WDR27: variants seen among roughly 807,000 people sequenced by gnomAD.
WDR27 encodes WD repeat-containing protein 27.
A neutral mutation model predicts 114.4 loss-of-function variants in WDR27; 100 were observed. The ratio of observed to expected loss-of-function variants is 0.87; its 90% CI spans 0.74 to 1.03. The LOEUF (loss-of-function observed/expected upper bound fraction) is 1.03. Ranked by LOEUF, WDR27 falls within the 50% of genes least tolerant of loss-of-function variation. The probability of loss-of-function intolerance (pLI) is 0.00; values close to 1 mark genes in which losing one functional copy is unlikely to be tolerated. For synonymous variants in WDR27, 449 were observed against 423.1 expected (o/e 1.06, Z -0.75); for missense variants, 1,129 against 1,092.9 (o/e 1.03, Z -0.47).
At position 169,665,539 on chromosome 6, in the gene WDR27, A is replaced by C. The variant is rs1405926234; in HGVS notation, c.730T>G (p.Leu244Val). ...TGCCTGCTTTCTGCATCAATGAATA[A>C]ACTGAGAAGAGGATATGCTGGTGAA... ...SVLSAYPLLSLFIDAESRQLV... is the reference protein window; with the variant it reads ...SVLSAYPLLSVFIDAESRQLV... Residue 244 changes from leucine to valine, a missense_variant, in exon 7 of 26, where the codon TTA (leucine) becomes GTA (valine). Leu to Val is a conservative substitution (Grantham distance 32, BLOSUM62 1). Transcript: ENST00000448612. 6.2e-7 allele frequency: 1 copy of C among 1,613,666 alleles called. No homozygotes were observed. The highest frequency in any genetic ancestry group is 1.3e-5 in the African/African-American group (1 of 74,916).
intron 25 of WDR27, among the ~76,000 whole-genome samples, chr6:169,504,759 G>A (rs2115501407): frequency 6.6e-6 from 1 of 152,154 alleles, no homozygotes; most frequent in African/African-American, 2.4e-5. Context: ...TGGGACAACA[G>A]GCATGCACCA....
At chr6:169,664,087 G>T (rs761500549) in intron 8 of WDR27, 79 bp downstream of exon 8, 1 of 1,319,960 alleles carries the variant, frequency 7.6e-7, no homozygotes, top group Non-Finnish European at 1.0e-6. Context: ...TCCCCTGTGT[G>T]ACCTAGGGCC....
rs1304224950 is a variant in WDR27, at chr6:169,457,615, T to C, written c.2665A>G (p.Met889Val). 15 of 1,552,366 alleles carry C rather than the reference T, an allele frequency of 9.7e-6. No homozygotes were observed. Among genetic ancestry groups the C allele is most frequent in the Non-Finnish European group, 1.2e-5 (14 of 1,147,222 alleles). The change falls in exon 26 of 26, where the codon ATG becomes GTG. Residue 889 changes from methionine (M) to valine (V), a missense_variant. Physicochemically the swap from Met to Val is conservative, Grantham distance 21. Coordinates refer to ENST00000448612, the MANE Select transcript of WDR27 (RefSeq NM_182552.5). ...WDYSLPQLPW[M>V]VNSSSF ...AGCTAGAAAGAGCTGGAGTTTACCA[T>C]CCAAGGTAGCTGTGGCAAGCTGTAA... is the stretch of plus-strand genomic sequence containing the variant.
At chr6:169,566,084 G>A (rs1046772470) in intron 25 of WDR27, among the ~76,000 whole-genome samples, 1 of 131,148 alleles carries the variant, frequency 7.6e-6, no homozygotes, top group South Asian at 2.4e-4. Context: ...ATTTTGTAAT[G>A]TATTGTTACT....
chr6:169,578,065 T>C (rs7749130), intron 24 of WDR27, among the ~76,000 whole-genome samples: 142,895 of 152,236 alleles, frequency 0.94, 67,142 homozygotes, highest in East Asian at 0.99. Flanking sequence ...GTTTCTCTAA[T>C]GTGTGTTTTA....
intron 13 of WDR27, 149 bp downstream of exon 13, chr6:169,658,127 G>A (rs564999774): frequency 2.4e-5 from 16 of 656,192 alleles, no homozygotes; most frequent in Middle Eastern, 2.5e-4. Context: ...GAACACGCAC[G>A]AGAGGCAGAG....
At chr6:169,565,794 G>A (rs79358348) in intron 25 of WDR27, among the ~76,000 whole-genome samples, 2,463 of 152,312 alleles carry the variant, frequency 0.016, 62 homozygotes, top group African/African-American at 0.057. Flanking sequence ...TGGGACTACA[G>A]GCATGAGCCA....
intron 23 of WDR27, among the ~76,000 whole-genome samples, chr6:169,583,487 A>G (rs1227942113): frequency 3.5e-4 from 1 of 2,838 alleles, no homozygotes; most frequent in Non-Finnish European, 1.7e-3. Context: ...GTGTATATAT[A>G]CATATATATA....
At chr6:169,697,073 T>C (rs916127749) in intron 1 of WDR27, among the ~76,000 whole-genome samples, 2 of 152,204 alleles carry the variant, frequency 1.3e-5, no homozygotes, top group Admixed American at 6.5e-5. Flanking sequence ...TAATAAAATA[T>C]AAAATCAGAA....
intron 20 of WDR27, among the ~76,000 whole-genome samples, chr6:169,634,147 A>G (rs564880885): frequency 1.4e-4 from 22 of 152,228 alleles, no homozygotes; most frequent in Non-Finnish European, 2.8e-4. Context: ...ACATTAGTCA[A>G]CAAAGTCCAG....
At chr6:169,552,414 A>G (rs1798278208) in intron 25 of WDR27, among the ~76,000 whole-genome samples, 2 of 152,188 alleles carry the variant, frequency 1.3e-5, no homozygotes, top group Admixed American at 1.3e-4. Context: ...TCACTCCCAG[A>G]GCAACAGCTG....
intron 25 of WDR27, among the ~76,000 whole-genome samples, chr6:169,468,183 T>C (rs1785858684): frequency 6.6e-6 from 1 of 152,244 alleles, no homozygotes; most frequent in Non-Finnish European, 1.5e-5. Context: ...TTGTCCATCA[T>C]TGTCCATATC....
At chr6:169,602,756 A>T (rs1808269298) in intron 22 of WDR27, among the ~76,000 whole-genome samples, 2 of 152,162 alleles carry the variant, frequency 1.3e-5, no homozygotes, top group African/African-American at 4.8e-5. Flanking sequence ...TGTTTATTGT[A>T]AAAAAATGCC....
At chr6:169,467,783 T>A (rs777060419) in intron 25 of WDR27, among the ~76,000 whole-genome samples, 1 of 152,262 alleles carries the variant, frequency 6.6e-6, no homozygotes, top group African/African-American at 2.4e-5. Context: ...TAGCTCCTCA[T>A]TACTTATGCA....
At chr6:169,549,151 A>G (rs1248262859) in intron 25 of WDR27, among the ~76,000 whole-genome samples, 2 of 152,228 alleles carry the variant, frequency 1.3e-5, no homozygotes, top group African/African-American at 4.8e-5. Context: ...CAAAAGACAA[A>G]TCCGATAAAG....
At position 169,658,360 on chromosome 6, in the gene WDR27, TGAAACA is replaced by T. The variant is rs1486613284; in HGVS notation, c.1320-8_1320-3del. The T allele has an allele frequency of 6.3e-7, 1 of 1,590,850 alleles. No individual in the cohort carries two copies. The highest frequency in any genetic ancestry group is 8.6e-7 in the Non-Finnish European group (1 of 1,168,804). On this transcript the variant is annotated splice_polypyrimidine_tract_variant and splice_region_variant and intron_variant, in intron 12 of 25. Transcript: ENST00000448612. The stretch of plus-strand genomic sequence containing the variant: ...GGAGAGGTCGGTAGGACACAGGAGC[TGAAACA>T]GAAACAAGCCCCATGAAACTAGGAG...
chr6:169,449,127 C>A, the WDR27 span, among the ~76,000 whole-genome samples: 1 of 152,120 alleles, frequency 6.6e-6, no homozygotes, highest in African/African-American at 2.4e-5. Context: ...GCAATATGAG[C>A]AATGGATGTC....
chr6:169,470,481 T>C (rs1214872390), intron 25 of WDR27, among the ~76,000 whole-genome samples: 1 of 152,228 alleles, frequency 6.6e-6, no homozygotes, highest in Non-Finnish European at 1.5e-5. Flanking sequence ...TACCATATAC[T>C]ACATGGCTTG....
rs149555955 is a variant in WDR27 at position 169,481,531 on chromosome 6, C to T, written c.2646-23897G>A. Among the ~76,000 whole-genome samples the T allele has an allele frequency of 1.3e-3, 200 of 152,152 alleles. 1 individual carries two copies. The highest frequency in any genetic ancestry group is 2.1e-3 in the Non-Finnish European group (146 of 68,028). On this transcript the variant is annotated intron_variant, in intron 25 of 25. Coordinates refer to ENST00000448612, the MANE Select transcript of WDR27 (RefSeq NM_182552.5). ...TGCTGCTCACTCTTCGGGTTCGTGG[C>T]GCCTTTATGAGCTGTAGCACTCACC... is the stretch of plus-strand genomic sequence containing the variant.
Sources: allele counts gnomAD v4.1 joint callset (sites outside exome capture counted in the v4.1 genomes callset), GRCh38; gene constraint gnomAD v4.1.1; transcripts MANE v1.5; gene names NCBI Gene and HGNC (gene_info 2026-07-23, HGNC 2026-07-21).